CDH18: variants seen among roughly 807,000 people sequenced by gnomAD.
The protein encoded by CDH18 is cadherin 18.
Under a neutral mutation model 67.9 loss-of-function variants are expected in CDH18, and 31 were observed. The ratio of observed to expected loss-of-function variants is 0.46; its 90% CI spans 0.34 to 0.62. The LOEUF is 0.62. Among genes scored for constraint, CDH18 ranks in the 20% least tolerant of loss-of-function variants. The pLI, the probability that CDH18 is intolerant of heterozygous loss-of-function variation, is 0.01. For missense variants in CDH18, 890 were observed against 975.5 expected, an observed-to-expected ratio of 0.91 and a Z score of 1.17; for synonymous variants, 362 against 347.2, an observed-to-expected ratio of 1.04 and a Z score of -0.48.
intron 1 of CDH18, among the ~76,000 whole-genome samples, chr5:20,510,693 A>G (rs1754978572): frequency 6.6e-6 from 1 of 152,152 alleles, no homozygotes; most frequent in South Asian, 2.1e-4. Flanking sequence ...TTTCCATAAA[A>G]TCACCATTAT....
intron 10 of CDH18, among the ~76,000 whole-genome samples, chr5:19,513,502 T>A (rs1745446073): frequency 6.6e-6 from 1 of 152,148 alleles, no homozygotes; most frequent in African/African-American, 2.4e-5. Context: ...GACTTATCTG[T>A]CTTTTCAAAT....
At chr5:20,483,339 C>T (rs189888936) in intron 1 of CDH18, among the ~76,000 whole-genome samples, 1 of 152,054 alleles carries the variant, frequency 6.6e-6, no homozygotes, top group Non-Finnish European at 1.5e-5. Flanking sequence ...AATTTCCATG[C>T]TATGCAAAGC....
intron 2 of CDH18, among the ~76,000 whole-genome samples, chr5:19,971,924 T>G (rs1287736504): frequency 6.6e-6 from 1 of 151,894 alleles, no homozygotes; most frequent in Non-Finnish European, 1.5e-5. Context: ...TAATTTAGCT[T>G]CACCATCGGA....
intron 1 of CDH18, among the ~76,000 whole-genome samples, chr5:20,446,631 C>A (rs1750022385): frequency 6.6e-6 from 1 of 152,218 alleles, no homozygotes; most frequent in Non-Finnish European, 1.5e-5. Flanking sequence ...AAATAGCAGA[C>A]TCCCGTTATC....
chr5:19,870,985 C>T (rs190006695), intron 2 of CDH18, among the ~76,000 whole-genome samples: 153 of 152,082 alleles, frequency 1.0e-3, no homozygotes, highest in Non-Finnish European at 1.8e-3. Flanking sequence ...ATTTGATCAC[C>T]ATATCAGATG....
At chr5:20,220,491 A>G (rs1406637420) in intron 2 of CDH18, among the ~76,000 whole-genome samples, 5 of 152,190 alleles carry the variant, frequency 3.3e-5, no homozygotes, top group East Asian at 1.9e-4. Context: ...TGGATTAAGT[A>G]CTTAATTCTA....
At chr5:20,191,783 C>T (rs748235955) in intron 2 of CDH18, among the ~76,000 whole-genome samples, 4 of 151,990 alleles carry the variant, frequency 2.6e-5, no homozygotes, top group Admixed American at 6.6e-5. Flanking sequence ...GTTGGTTCCA[C>T]GTCTCTGCTA....
intron 2 of CDH18, among the ~76,000 whole-genome samples, chr5:20,194,721 G>A (rs1738832280): frequency 1.3e-5 from 2 of 151,914 alleles, no homozygotes; most frequent in South Asian, 4.2e-4. Flanking sequence ...GAAATTTTCT[G>A]CAACACTTAA....
chr5:20,513,010 A>T (rs1378404535), intron 1 of CDH18, among the ~76,000 whole-genome samples: 1 of 152,020 alleles, frequency 6.6e-6, no homozygotes, highest in Non-Finnish European at 1.5e-5. Flanking sequence ...GTAGCATGTG[A>T]GCCTCTCTGT....
At chr5:19,695,428 T>C (rs907749909) in intron 5 of CDH18, among the ~76,000 whole-genome samples, 40 of 152,200 alleles carry the variant, frequency 2.6e-4, no homozygotes, top group Admixed American at 9.2e-4. Context: ...AGGGACCAAA[T>C]GAATGATTAG....
chr5:19,749,321 T>A (rs115538506), intron 3 of CDH18, among the ~76,000 whole-genome samples: 1,887 of 151,560 alleles, frequency 0.012, 34 homozygotes, highest in African/African-American at 0.043. Context: ...ATTATGTTGT[T>A]ATATTATATA....
At chr5:20,459,793 G>A (rs1219504320) in intron 1 of CDH18, among the ~76,000 whole-genome samples, 1 of 152,160 alleles carries the variant, frequency 6.6e-6, no homozygotes, top group Non-Finnish European at 1.5e-5. Flanking sequence ...AGAGGTAGGA[G>A]AGTTAATTAC....
At chr5:19,953,273 T>G (rs1008196735) in intron 2 of CDH18, among the ~76,000 whole-genome samples, 1 of 152,088 alleles carries the variant, frequency 6.6e-6, no homozygotes, top group Non-Finnish European at 1.5e-5. Context: ...AGGAAGTCTG[T>G]GTACAGAATC....
chr5:20,445,908 G>A (rs1376071870), intron 1 of CDH18, among the ~76,000 whole-genome samples: 10 of 152,058 alleles, frequency 6.6e-5, no homozygotes, highest in Admixed American at 4.6e-4. Flanking sequence ...TGATTTCTGC[G>A]AAGTGAAATC....
chr5:20,535,111 C>T (rs770656055), intron 1 of CDH18, among the ~76,000 whole-genome samples: 22 of 152,188 alleles, frequency 1.4e-4, no homozygotes, highest in Non-Finnish European at 2.9e-4. Flanking sequence ...TCTTCAATAA[C>T]AATCACTTGG....
intron 1 of CDH18, among the ~76,000 whole-genome samples, chr5:20,455,501 C>G (rs1044479717): frequency 6.6e-6 from 1 of 151,916 alleles, no homozygotes; most frequent in African/African-American, 2.4e-5. Flanking sequence ...AACACACAAG[C>G]CTAAATCCTT....
At chr5:20,460,082 T>C (rs1359740235) in intron 1 of CDH18, among the ~76,000 whole-genome samples, 1 of 152,000 alleles carries the variant, frequency 6.6e-6, no homozygotes, top group Non-Finnish European at 1.5e-5. Flanking sequence ...AAAGAAAGAT[T>C]GGCATGTAGG....
At chr5:20,193,525 A>C (rs1738711584) in intron 2 of CDH18, among the ~76,000 whole-genome samples, 1 of 152,148 alleles carries the variant, frequency 6.6e-6, no homozygotes, top group Admixed American at 6.6e-5. Flanking sequence ...AGCTGATACC[A>C]GTCCTTCTGA....
intron 2 of CDH18, among the ~76,000 whole-genome samples, chr5:20,003,425 T>C: frequency 6.6e-6 from 1 of 151,858 alleles, no homozygotes; most frequent in Non-Finnish European, 1.5e-5. Flanking sequence ...TGTCTTCAGA[T>C]TGTAAACACA....
Sources: gnomAD v4.1 joint callset for allele counts (sites outside exome capture counted in the v4.1 genomes callset) on GRCh38, gnomAD v4.1.1 for gene constraint, MANE v1.5 for transcripts, NCBI Gene and HGNC (gene_info 2026-07-23, HGNC 2026-07-21) for gene names.